Variants in DACH2 observed in about 807,000 individuals in gnomAD.
DACH2 encodes dachshund family transcription factor 2, also known as dachshund homolog 2.
A neutral mutation model predicts 35.8 loss-of-function variants in DACH2; 17 were observed. The ratio of observed to expected loss-of-function variants is 0.48; its 90% confidence interval spans 0.33 to 0.71. The LOEUF (loss-of-function observed/expected upper bound fraction) is 0.71, where lower values mean the gene tolerates loss of function less well. DACH2 is among the 30% of genes least tolerant of loss of function. DACH2 has a pLI of 0.02. For synonymous variants in DACH2, 195 were observed against 177.3 expected (o/e 1.10, Z -0.79); for missense variants, 469 against 472.7 (o/e 0.99, Z 0.07).
At chrX:86,296,289 G>T (rs2034454355) in intron 1 of DACH2, among the ~76,000 whole-genome samples, 1 of 101,318 alleles carries the variant, frequency 9.9e-6, no homozygotes, top group South Asian at 4.9e-4. Context: ...GCTGAGGCAG[G>T]AGAATGGCGT....
intron 4 of DACH2, among the ~76,000 whole-genome samples, chrX:86,667,907 GA>G (rs920902977): frequency 1.8e-5 from 2 of 111,684 alleles, no homozygotes; most frequent in Non-Finnish European, 3.8e-5. Flanking sequence ...TAAATAAAGT[GA>G]AAAAAATGTG....
intron 1 of DACH2, among the ~76,000 whole-genome samples, chrX:86,189,987 A>G (rs1211534158): frequency 9.1e-6 from 1 of 109,417 alleles, no homozygotes; most frequent in African/African-American, 3.3e-5. Flanking sequence ...AACATGGTGA[A>G]ACCCCGTCTC....
At chrX:86,383,315 A>G (rs999668663) in intron 2 of DACH2, among the ~76,000 whole-genome samples, 3 of 109,110 alleles carry the variant, frequency 2.7e-5, no homozygotes, top group African/African-American at 1.0e-4. Context: ...TTAAAAAACA[A>G]GAAAGGAGGA....
chrX:86,608,647 C>G (rs1340327199), intron 3 of DACH2, among the ~76,000 whole-genome samples: 5 of 111,363 alleles, frequency 4.5e-5, no homozygotes, highest in African/African-American at 1.6e-4. Context: ...GATGAAATCC[C>G]TCAGGTTTTG....
At chrX:86,425,626 A>AC (rs1455985021) in intron 2 of DACH2, among the ~76,000 whole-genome samples, 2 of 110,294 alleles carry the variant, frequency 1.8e-5, no homozygotes, top group Non-Finnish European at 3.8e-5. Context: ...CAAAAAACCA[A>AC]CTTTTTGTTT....
chrX:86,664,355 C>T (rs1602754321), intron 4 of DACH2, among the ~76,000 whole-genome samples: 1 of 110,597 alleles, frequency 9.0e-6, no homozygotes, highest in Non-Finnish European at 1.9e-5. Context: ...TGTAGAACTT[C>T]TTTTGGGAGG....
intron 3 of DACH2, among the ~76,000 whole-genome samples, chrX:86,581,359 A>G: frequency 9.0e-6 from 1 of 111,287 alleles, no homozygotes; most frequent in Middle Eastern, 4.6e-3. Flanking sequence ...ATGACAGTGA[A>G]TCCACACATA....
chrX:86,369,760 T>G (rs1455792762), intron 1 of DACH2, among the ~76,000 whole-genome samples: 6 of 111,560 alleles, frequency 5.4e-5, no homozygotes, highest in Admixed American at 3.8e-4. Flanking sequence ...AATCAATAAT[T>G]CAGTATATTT....
chrX:86,220,693 T>C (rs1206456176), intron 1 of DACH2, among the ~76,000 whole-genome samples: 1 of 112,324 alleles, frequency 8.9e-6, no homozygotes, highest in Admixed American at 9.4e-5. Context: ...GGAGTGCAGA[T>C]ATATTTTCAA....
chrX:86,576,744 T>G, intron 3 of DACH2, among the ~76,000 whole-genome samples: 1 of 111,264 alleles, frequency 9.0e-6, no homozygotes, highest in African/African-American at 3.3e-5. Context: ...GGTCATAGGG[T>G]CTGATTCCTC....
At chrX:86,578,232 A>G in intron 3 of DACH2, among the ~76,000 whole-genome samples, 1 of 110,861 alleles carries the variant, frequency 9.0e-6, no homozygotes, top group East Asian at 2.9e-4. Flanking sequence ...TGCAGAATTG[A>G]TTGCTTTCTT....
chrX:86,233,780 A>G (rs1014411420), intron 1 of DACH2, among the ~76,000 whole-genome samples: 33 of 111,488 alleles, frequency 3.0e-4, no homozygotes, highest in African/African-American at 1.0e-3. Flanking sequence ...CACTTCTTAC[A>G]TGGTGGCAAC....
intron 2 of DACH2, among the ~76,000 whole-genome samples, chrX:86,498,305 A>T (rs757678010): frequency 8.9e-6 from 1 of 112,211 alleles, no homozygotes; most frequent in Non-Finnish European, 1.9e-5. Context: ...ATACAAACCC[A>T]TCTTCAGAAA....
chrX:86,373,870 A>G (rs1339846158), intron 1 of DACH2, among the ~76,000 whole-genome samples: 6 of 111,764 alleles, frequency 5.4e-5, no homozygotes, highest in African/African-American at 1.6e-4. Context: ...GTATCTTTAA[A>G]ATGCTCTGTT....
intron 1 of DACH2, among the ~76,000 whole-genome samples, chrX:86,286,282 C>T (rs906029123): frequency 1.4e-3 from 147 of 107,787 alleles, no homozygotes; most frequent in African/African-American, 2.9e-3. Context: ...CGCCCGCCAC[C>T]GCGCCCGGCT....
chrX:86,680,265 G>T (rs763329037), intron 4 of DACH2, among the ~76,000 whole-genome samples: 1 of 111,919 alleles, frequency 8.9e-6, no homozygotes, highest in Non-Finnish European at 1.9e-5. Flanking sequence ...AGTTCTTAAA[G>T]ATATAATTAT....
At chrX:86,569,731 T>C (rs1370595807) in intron 3 of DACH2, among the ~76,000 whole-genome samples, 1 of 111,635 alleles carries the variant, frequency 9.0e-6, no homozygotes, top group Non-Finnish European at 1.9e-5. Flanking sequence ...AAAGCCAACA[T>C]TGATAAATGG....
intron 1 of DACH2, among the ~76,000 whole-genome samples, chrX:86,342,335 C>CA (rs1376048361): frequency 1.8e-5 from 2 of 109,625 alleles, no homozygotes; most frequent in East Asian, 2.9e-4. Context: ...CCTGTCTCTA[C>CA]AAAAAAATAA....
chrX:86,705,063 A>ATATATATCACATATATATATATC (rs59432076), intron 5 of DACH2, among the ~76,000 whole-genome samples: 1 of 104,657 alleles, frequency 9.6e-6, no homozygotes, highest in African/African-American at 3.6e-5. Flanking sequence ...ATATATATAT[A>ATATATATCACATATATATATATC]TATCTCACAT....
Sources: allele counts gnomAD v4.1 joint callset (sites outside exome capture counted in the v4.1 genomes callset), GRCh38; gene constraint gnomAD v4.1.1; transcripts MANE v1.5; gene names NCBI Gene and HGNC (gene_info 2026-07-23, HGNC 2026-07-21).